IQCB1: variants seen among roughly 807,000 people sequenced by gnomAD.
IQCB1 encodes IQ motif containing B1.
In IQCB1, 56 loss-of-function variants were observed where a neutral mutation model predicts 84.4. That is an observed-to-expected ratio of 0.66 (90% CI 0.54 to 0.83). The LOEUF is 0.83. Among genes scored for constraint, IQCB1 ranks in the 40% least tolerant of loss-of-function variants. The pLI is 0.00. For synonymous variants in IQCB1, 210 were observed against 234.8 expected, an observed-to-expected ratio of 0.89 and a Z score of 0.96; for missense variants, 629 against 682.1, an observed-to-expected ratio of 0.92 and a Z score of 0.87.
chr3:121,789,472 C>G (rs1948869572), intron 11 of IQCB1, among the ~76,000 whole-genome samples: 2 of 151,926 alleles, frequency 1.3e-5, no homozygotes, highest in African/African-American at 2.4e-5. Context: ...TGGATGGATA[C>G]CCCAGGAAGA....
At chr3:121,796,527 C>CTT (rs1006023225) in intron 9 of IQCB1, among the ~76,000 whole-genome samples, 4 of 152,044 alleles carry the variant, frequency 2.6e-5, no homozygotes, top group Non-Finnish European at 5.9e-5. Flanking sequence ...TAATCAATAA[C>CTT]TTGCTGCCTC....
chr3:121,770,666 A>T (rs1305615230), intron 14 of IQCB1, 92 bp from the exon 15 acceptor site: 1 of 942,606 alleles, frequency 1.1e-6, no homozygotes, highest in Non-Finnish European at 1.7e-6. Context: ...CTCTGCAGGC[A>T]GAAACAGCAT....
rs1056496427 is a variant in IQCB1 at position 121,781,701 on chromosome 3, A to G, written c.1410+42T>C. 6 of 1,553,512 alleles carry G rather than the reference A, an allele frequency of 3.9e-6. No individual in the cohort carries two copies. The African/African-American group carries it at 4.1e-5, about 11-fold the overall frequency. On this transcript the variant is annotated intron_variant, in intron 13 of 14. Coordinates refer to ENST00000310864, the MANE Select transcript of IQCB1 (RefSeq NM_001023570.4). ...GTGTGTACAGTTATCAATATCATGC[A>G]TTGGAATAATGTAATACTGATATGG...
At chr3:121,826,392 C>G (rs1224171823) in intron 4 of IQCB1, among the ~76,000 whole-genome samples, 1 of 152,276 alleles carries the variant, frequency 6.6e-6, no homozygotes, top group East Asian at 1.9e-4. Context: ...TTTATGTATC[C>G]TAAAAACCTA....
At chr3:121,776,182 C>T (rs1948219165) in intron 13 of IQCB1, among the ~76,000 whole-genome samples, 1 of 152,148 alleles carries the variant, frequency 6.6e-6, no homozygotes, top group African/African-American at 2.4e-5. Context: ...GCCTTGGCCT[C>T]TCAAAGTGCT....
At chr3:121,786,551 G>T (rs947281769) in intron 12 of IQCB1, among the ~76,000 whole-genome samples, 1 of 150,898 alleles carries the variant, frequency 6.6e-6, no homozygotes, top group Non-Finnish European at 1.5e-5. Flanking sequence ...GGCTAACTTT[G>T]CTTTGACTTC....
intron 7 of IQCB1, among the ~76,000 whole-genome samples, chr3:121,800,280 A>G (rs1455659816): frequency 6.6e-6 from 1 of 151,960 alleles, no homozygotes; most frequent in Non-Finnish European, 1.5e-5. Flanking sequence ...TTGACCCTGT[A>G]TAAATATCTT....
intron 12 of IQCB1, among the ~76,000 whole-genome samples, chr3:121,784,942 G>A (rs1948647200): frequency 6.6e-6 from 1 of 152,154 alleles, no homozygotes; most frequent in Admixed American, 6.6e-5. Context: ...CCAAAGTGCT[G>A]GGATTTACAA....
At chr3:121,828,808 A>C (rs1399549317) in intron 3 of IQCB1, 53 bp downstream of exon 3, 7 of 1,178,882 alleles carry the variant, frequency 5.9e-6, no homozygotes, top group Non-Finnish European at 7.6e-6. Flanking sequence ...TGTACCAACG[A>C]TGGAACCATT....
intron 5 of IQCB1, among the ~76,000 whole-genome samples, chr3:121,810,992 C>G (rs537406066): frequency 6.6e-6 from 1 of 152,310 alleles, no homozygotes; most frequent in East Asian, 1.9e-4. Flanking sequence ...CCAGGGGGAT[C>G]TGGCAAGATG....
At chr3:121,831,889 T>C (rs1438512731) in intron 2 of IQCB1, among the ~76,000 whole-genome samples, 1 of 152,210 alleles carries the variant, frequency 6.6e-6, no homozygotes, top group Admixed American at 6.5e-5. Flanking sequence ...AGAGAGTGCA[T>C]ATAGTTATCT....
At chr3:121,823,564 G>A (rs1452306377) in intron 5 of IQCB1, among the ~76,000 whole-genome samples, 1 of 152,038 alleles carries the variant, frequency 6.6e-6, no homozygotes, top group Non-Finnish European at 1.5e-5. Flanking sequence ...TCTTTAAAGT[G>A]CAAAAAGAGG....
At chr3:121,819,677 A>G (rs541030740) in intron 5 of IQCB1, among the ~76,000 whole-genome samples, 13 of 152,310 alleles carry the variant, frequency 8.5e-5, no homozygotes, top group African/African-American at 2.6e-4. Context: ...TTTTAAGAGA[A>G]TGAGCATACC....
chr3:121,804,273 T>C (rs1234545212), intron 7 of IQCB1, among the ~76,000 whole-genome samples: 1 of 152,070 alleles, frequency 6.6e-6, no homozygotes, highest in African/African-American at 2.4e-5. Flanking sequence ...GTTCCTCAAA[T>C]ACAGCATTAT....
chr3:121,822,839 C>A (rs1436981143), intron 5 of IQCB1, among the ~76,000 whole-genome samples: 1 of 152,172 alleles, frequency 6.6e-6, no homozygotes, highest in African/African-American at 2.4e-5. Flanking sequence ...GCTCTCAAGT[C>A]TTCAGAGGAA....
At chr3:121,803,439 T>C (rs1424929029) in intron 7 of IQCB1, among the ~76,000 whole-genome samples, 3 of 152,246 alleles carry the variant, frequency 2.0e-5, no homozygotes, top group Non-Finnish European at 2.9e-5. Context: ...AGAACATGTA[T>C]TCTGCTACTG....
intron 8 of IQCB1, among the ~76,000 whole-genome samples, chr3:121,798,385 T>G (rs1949281246): frequency 6.6e-6 from 1 of 151,912 alleles, no homozygotes; most frequent in South Asian, 2.1e-4. Flanking sequence ...TAGAATCCCA[T>G]TTCCTGACCA....
At position 121,788,314 on chromosome 3, in the gene IQCB1, C is replaced by T; in HGVS notation, c.1248G>A (p.Glu416=). 1 of 1,614,012 alleles carries T rather than the reference C, an allele frequency of 6.2e-7. No homozygotes were observed. Among genetic ancestry groups the T allele is most frequent in the Non-Finnish European group, 8.5e-7 (1 of 1,179,962 alleles). The change falls in exon 12 of 15, where the codon GAG becomes GAA. Residue 416 remains glutamate (E), a synonymous_variant. Transcript: ENST00000310864. ...NFHQQRQSLI[E]YKAAVTLQRA... Reference sequence around the variant, plus strand: ...TTTGAAGTGTGACAGCTGCTTTATACTCTATGAGAGACTGCCTCTGTTGGT... The same window carrying T: ...TTTGAAGTGTGACAGCTGCTTTATATTCTATGAGAGACTGCCTCTGTTGGT...
Position 121,770,350 on chromosome 3 carries a change from G to A in IQCB1, c.1792C>T (p.Pro598Ser). 1 of 1,594,842 alleles carries A rather than the reference G, an allele frequency of 6.3e-7. No individual in the cohort carries two copies. Among genetic ancestry groups the A allele is most frequent in the Non-Finnish European group, 8.6e-7 (1 of 1,162,588 alleles). ...TCAATTCTTAGGGTTACTCACTAAG[G>A]TGGTTTGGTTCCACCAATGAATAAA... ...ENLFIGGTKPP is the reference protein window; with the variant it reads ...ENLFIGGTKPS Residue 598 changes from proline (P) to serine (S), a missense_variant, in exon 15 of 15, where the codon CCT becomes TCT. Transcript: ENST00000310864.
Sources: allele counts gnomAD v4.1 joint callset (sites outside exome capture counted in the v4.1 genomes callset), GRCh38; gene constraint gnomAD v4.1.1; transcripts MANE v1.5; gene names NCBI Gene and HGNC (gene_info 2026-07-23, HGNC 2026-07-21).